UBE2U: variants seen among roughly 807,000 people sequenced by gnomAD.
UBE2U encodes the protein ubiquitin conjugating enzyme E2 U, also known as ubiquitin-conjugating enzyme E2 U.
UBE2U carries 39 observed loss-of-function variants against 41.2 expected under a neutral mutation model. The ratio of observed to expected loss-of-function variants is 0.95; its 90% CI spans 0.73 to 1.24. The LOEUF (loss-of-function observed/expected upper bound fraction) is 1.24. UBE2U is among the 50% of genes most tolerant of loss of function. The pLI is 0.00. For missense variants in UBE2U, 336 were observed against 363.1 expected, an observed-to-expected ratio of 0.93 and a Z score of 0.61; for synonymous variants, 107 against 117.8, an observed-to-expected ratio of 0.91 and a Z score of 0.60.
At chr1:64,213,703 T>C (rs921791937) in intron 4 of UBE2U, among the ~76,000 whole-genome samples, 2 of 152,234 alleles carry the variant, frequency 1.3e-5, no homozygotes, top group Non-Finnish European at 2.9e-5. Flanking sequence ...TTTTACATTA[T>C]TGCTATTATG....
chr1:64,218,327 T>A (rs1288261596), intron 5 of UBE2U, among the ~76,000 whole-genome samples: 1 of 151,958 alleles, frequency 6.6e-6, no homozygotes. Context: ...GTTACGTACC[T>A]CTTTTTTCCT....
At chr1:64,231,090 C>G (rs1402548104) in intron 6 of UBE2U, among the ~76,000 whole-genome samples, 1 of 152,016 alleles carries the variant, frequency 6.6e-6, no homozygotes, top group Non-Finnish European at 1.5e-5. Context: ...TATATTCAAA[C>G]CACACTAAAG....
chr1:64,229,562 G>A (rs972117817), intron 6 of UBE2U, among the ~76,000 whole-genome samples: 1 of 151,898 alleles, frequency 6.6e-6, no homozygotes, highest in Non-Finnish European at 1.5e-5. Flanking sequence ...AAGTGCCGGA[G>A]GGTTTTAACC....
intron 5 of UBE2U, among the ~76,000 whole-genome samples, chr1:64,217,137 A>C (rs189310547): frequency 6.6e-6 from 1 of 152,222 alleles, no homozygotes; most frequent in Non-Finnish European, 1.5e-5. Context: ...CAAGTTGCTT[A>C]AAAGAATGGA....
At chr1:64,245,336 G>A (rs1644903096) in intron 8 of UBE2U, among the ~76,000 whole-genome samples, 1 of 152,156 alleles carries the variant, frequency 6.6e-6, no homozygotes, top group Non-Finnish European at 1.5e-5. Flanking sequence ...AGAAAGCAAT[G>A]AAAGCTGTTC....
intron 8 of UBE2U, among the ~76,000 whole-genome samples, chr1:64,250,455 A>G (rs1232468747): frequency 6.6e-6 from 1 of 152,228 alleles, no homozygotes; most frequent in East Asian, 1.9e-4. Context: ...AACACTTCCC[A>G]GCACGTTACA....
At chr1:64,233,333 C>T (rs1292749942) in intron 7 of UBE2U, among the ~76,000 whole-genome samples, 1 of 152,016 alleles carries the variant, frequency 6.6e-6, no homozygotes. Context: ...GAGATGGGGT[C>T]TCACTATGTT....
At chr1:64,232,963 T>C (rs1212610477) in intron 7 of UBE2U, among the ~76,000 whole-genome samples, 2 of 151,826 alleles carry the variant, frequency 1.3e-5, no homozygotes, top group African/African-American at 4.8e-5. Flanking sequence ...CCTGAGTAGC[T>C]AGGATTATAG....
At chr1:64,239,148 AAGAAGAAG>A (rs1644763825) in intron 7 of UBE2U, among the ~76,000 whole-genome samples, 1 of 24,662 alleles carries the variant, frequency 4.1e-5, no homozygotes. Context: ...GAAGAAGAAG[AAGAAGAAG>A]AAAGAAGAAG....
intron 9 of UBE2U, 146 bp from the exon 10 acceptor site, chr1:64,266,878 C>A: frequency 1.5e-6 from 1 of 681,988 alleles, no homozygotes; most frequent in Non-Finnish European, 2.4e-6. Flanking sequence ...ACTTACAAAA[C>A]ATGAAGTTTA....
At chr1:64,249,496 A>G (rs1486458447) in intron 8 of UBE2U, among the ~76,000 whole-genome samples, 1 of 152,044 alleles carries the variant, frequency 6.6e-6, no homozygotes, top group Non-Finnish European at 1.5e-5. Flanking sequence ...GATAGAATTA[A>G]CAGATACAGA....
At position 64,267,309 on chromosome 1, in the gene UBE2U, A is replaced by T; in HGVS notation, c.*101A>T. 1 of 1,014,416 alleles carries T rather than the reference A, an allele frequency of 9.9e-7. No individual in the cohort carries two copies. Among genetic ancestry groups the T allele is most frequent in the Non-Finnish European group, 1.4e-6 (1 of 723,142 alleles). The allele number at this position is 1,014,416 out of a possible 1,614,324, so 62.8% of individuals were successfully genotyped here. Reference sequence around the variant, plus strand: ...TCAGAACTTGGATTTCATTTTTTTTAAGTTGTTCTCACCCACTCACTGCAA... The same window carrying T: ...TCAGAACTTGGATTTCATTTTTTTTTAGTTGTTCTCACCCACTCACTGCAA... On this transcript the variant is annotated 3_prime_UTR_variant, in exon 10 of 10. Transcript: ENST00000371077.
At chr1:64,222,582 T>C (rs991582772) in intron 6 of UBE2U, among the ~76,000 whole-genome samples, 37 of 152,236 alleles carry the variant, frequency 2.4e-4, no homozygotes, top group African/African-American at 8.7e-4. Context: ...AGTCTAGATT[T>C]CAATGATACG....
Position 64,225,949 on chromosome 1 carries a change from C to T in UBE2U, c.506+5042C>T, listed in dbSNP as rs534120745. 3.9e-5 allele frequency among the ~76,000 whole-genome samples: 6 copies of T among 152,298 alleles called. No individual in the cohort carries two copies. In the South Asian group the frequency reaches 1.0e-3, roughly 26 times the overall value. On this transcript the variant is annotated intron_variant, in intron 6 of 9. Coordinates refer to ENST00000371077, the MANE Select transcript of UBE2U (RefSeq NM_001366232.2). ...TTACATGCCCACAACCAGTTTGAAA[C>T]AGTTTAAGTTTCTTATAATGTCAAA...
chr1:64,250,931 G>A (rs1570125998), intron 8 of UBE2U, among the ~76,000 whole-genome samples: 1 of 136,354 alleles, frequency 7.3e-6, no homozygotes, highest in African/African-American at 2.7e-5. Flanking sequence ...GGGGAGGGGG[G>A]AGGTATAGCA....
intron 1 of UBE2U, 25 bp downstream of exon 1, chr1:64,204,141 T>C (rs764014332): frequency 3.8e-6 from 6 of 1,595,604 alleles, no homozygotes; most frequent in Non-Finnish European, 4.3e-6. Flanking sequence ...CGTGGAGAGA[T>C]GTGTTTCATT....
chr1:64,207,000 A>G lies in UBE2U; in HGVS notation c.241+144A>G, dbSNP rs991411625. ...TGGGGAAAATATGAAAAGGCTGGAA[A>G]AAATTAGCAATCACCTTAAATCCTA... On this transcript the variant is annotated intron_variant, in intron 3 of 9. Transcript: ENST00000371077. 4 of 634,698 alleles carry G rather than the reference A, an allele frequency of 6.3e-6. No homozygotes were observed. In the African/African-American group the frequency reaches 7.6e-5, roughly 12 times the overall value. The allele number at this position is 634,698 out of a possible 1,614,324, so 39.3% of individuals were successfully genotyped here. A position where few individuals can be genotyped will look rare whatever the true frequency, so the allele number is the denominator to read the frequency against.
chr1:64,216,213 C>T (rs1652002249), intron 5 of UBE2U, among the ~76,000 whole-genome samples: 3 of 152,232 alleles, frequency 2.0e-5, no homozygotes, highest in African/African-American at 4.8e-5. Flanking sequence ...TATTCTACGA[C>T]AAAGTTCTTG....
intron 4 of UBE2U, among the ~76,000 whole-genome samples, chr1:64,212,298 C>A (rs1238325220): frequency 6.6e-6 from 1 of 152,100 alleles, no homozygotes; most frequent in African/African-American, 2.4e-5. Flanking sequence ...AAAATGATCC[C>A]AAAATGTAAT....
Sources: gnomAD v4.1 joint callset for allele counts (sites outside exome capture counted in the v4.1 genomes callset) on GRCh38, gnomAD v4.1.1 for gene constraint, MANE v1.5 for transcripts, NCBI Gene and HGNC (gene_info 2026-07-23, HGNC 2026-07-21) for gene names.